ACSM3: variants seen among roughly 807,000 people sequenced by gnomAD.
ACSM3 encodes the protein acyl-CoA synthetase medium chain family member 3, also known as acyl-coenzyme A synthetase ACSM3, mitochondrial.
Under a neutral mutation model 74.1 loss-of-function variants are expected in ACSM3, and 61 were observed. That is an observed-to-expected ratio of 0.82 (90% CI 0.67 to 1.02). ACSM3 has a LOEUF of 1.02. Among genes scored for constraint, ACSM3 ranks in the 50% least tolerant of loss-of-function variants. The pLI is 0.00. For missense variants in ACSM3, 660 were observed against 697.0 expected, an observed-to-expected ratio of 0.95 and a Z score of 0.60; for synonymous variants, 213 against 241.5, an observed-to-expected ratio of 0.88 and a Z score of 1.09.
intron 1 of ACSM3, among the ~76,000 whole-genome samples, chr16:20,746,195 A>G (rs528938538): frequency 6.6e-6 from 1 of 152,308 alleles, no homozygotes; most frequent in East Asian, 1.9e-4. Flanking sequence ...AAGATCAGTC[A>G]TGACAAGTGC....
At chr16:20,776,200 T>C in intron 3 of ACSM3, 151 bp downstream of exon 3, 1 of 795,382 alleles carries the variant, frequency 1.3e-6, no homozygotes, top group East Asian at 2.7e-5. Context: ...CGTGGTAGGC[T>C]AATTCCTTAT....
upstream of ACSM3, among the ~76,000 whole-genome samples, chr16:20,763,323 A>C (rs2080092615): frequency 6.6e-6 from 1 of 152,250 alleles, no homozygotes; most frequent in Non-Finnish European, 1.5e-5. Flanking sequence ...GTTATTTAAT[A>C]AGACACCTCA....
At chr16:20,743,083 C>T (rs1016949321) in intron 1 of ACSM3, among the ~76,000 whole-genome samples, 2 of 151,656 alleles carry the variant, frequency 1.3e-5, no homozygotes, top group South Asian at 2.1e-4. Flanking sequence ...GGACTACAGG[C>T]GCCCGCCACC....
chr16:20,678,525 T>C (rs945195048), intron 1 of ACSM3, among the ~76,000 whole-genome samples: 15 of 152,200 alleles, frequency 9.9e-5, no homozygotes, highest in African/African-American at 3.6e-4. Context: ...TATCAGTACA[T>C]GTTGGTGTTC....
At chr16:20,752,913 TAACTATTAGTTTATAGA>T (rs1265752611) in intron 2 of ACSM3, among the ~76,000 whole-genome samples, 1 of 152,226 alleles carries the variant, frequency 6.6e-6, no homozygotes, top group Non-Finnish European at 1.5e-5. Flanking sequence ...CCTCTAGATT[TAACTATTAGTTTATAGA>T]AACTACACGG....
At chr16:20,706,619 C>T (rs918926548) in intron 1 of ACSM3, among the ~76,000 whole-genome samples, 10 of 152,144 alleles carry the variant, frequency 6.6e-5, no homozygotes, top group African/African-American at 2.4e-4. Context: ...GGTCCTAACC[C>T]CAGATTTGGA....
Position 20,790,385 on chromosome 16 carries a change from C to T in ACSM3, c.1225-202C>T, listed in dbSNP as rs1215734103. ...GGACTGTTTGAGACCAGAAGTTTGA[C>T]GCTGCAGTGAGCTATGAGCTATGAT... is the stretch of plus-strand genomic sequence containing the variant. On this transcript the variant is annotated intron_variant, in intron 9 of 13. Transcript: ENST00000289416. The surrounding 1 kb of genome is among the most constrained non-coding windows in gnomAD (Gnocchi z 4.0). Among the ~76,000 whole-genome samples, 4 of 152,138 alleles carry T rather than the reference C, an allele frequency of 2.6e-5. No homozygotes were observed. Among genetic ancestry groups the T allele is most frequent in the Admixed American group, 1.3e-4 (2 of 15,284 alleles).
chr16:20,728,566 G>A, intron 1 of ACSM3: 2 of 501,212 alleles, frequency 4.0e-6, no homozygotes, highest in South Asian at 2.5e-5. Context: ...GTCTTGCTAT[G>A]TAACCTCAGG....
At chr16:20,679,599 A>G (rs1310778657) in intron 1 of ACSM3, 2 of 152,164 alleles carry the variant, frequency 1.3e-5, no homozygotes, top group East Asian at 3.9e-4. Context: ...TAATGTTGTT[A>G]CCATTTCTGC....
At chr16:20,729,325 C>T (rs745784617) in intron 1 of ACSM3, 37 of 1,458,728 alleles carry the variant, frequency 2.5e-5, no homozygotes, top group African/African-American at 7.0e-5. Flanking sequence ...TCTGGTTTGT[C>T]GGCAGAGCTG....
chr16:20,700,848 C>A (rs1167572457), intron 1 of ACSM3, among the ~76,000 whole-genome samples: 1 of 152,122 alleles, frequency 6.6e-6, no homozygotes, highest in African/African-American at 2.4e-5. Flanking sequence ...AAAGCCCACT[C>A]TGGCAGTTCT....
rs759381084 is a variant in ACSM3 at position 20,796,867 on chromosome 16, T to C, written c.1675-19T>C. The C allele has an allele frequency of 1.9e-6, 3 of 1,608,602 alleles. No homozygotes were observed. Among genetic ancestry groups the C allele is most frequent in the Non-Finnish European group, 2.5e-6 (3 of 1,178,610 alleles). ...GATAAAAATTTCCAGGCTAATTTTC[T>C]TCCCCTTGATGCCAACAGGTAGAAT... On this transcript the variant is annotated intron_variant, in intron 13 of 13. Coordinates refer to ENST00000289416, the MANE Select transcript of ACSM3 (RefSeq NM_005622.4).
intron 2 of ACSM3, 55 bp from the exon 3 acceptor site, chr16:20,775,784 C>T: frequency 6.4e-7 from 1 of 1,572,420 alleles, no homozygotes; most frequent in South Asian, 1.1e-5. Context: ...TCAGTTGGCC[C>T]AGAATTTAGC....
chr16:20,786,776 G>A (rs1337376002), intron 9 of ACSM3, among the ~76,000 whole-genome samples: 3 of 152,182 alleles, frequency 2.0e-5, no homozygotes, highest in African/African-American at 4.8e-5. Context: ...GGCACAAAGA[G>A]GTAAAAGAAC....
At chr16:20,726,618 C>G (rs560513113) in intron 1 of ACSM3, among the ~76,000 whole-genome samples, 5 of 152,344 alleles carry the variant, frequency 3.3e-5, no homozygotes, top group Non-Finnish European at 7.4e-5. Context: ...CTGTTCTAGG[C>G]TTTCTCACCT....
At chr16:20,796,129 T>TC in intron 12 of ACSM3, 1 of 487,456 alleles carries the variant, frequency 2.1e-6, no homozygotes, top group Non-Finnish European at 3.5e-6. Flanking sequence ...TTATAAGTAA[T>TC]CCCCCATGCT....
rs150917023 is a variant in ACSM3, at chr16:20,748,705, C to T, written c.-189-1205C>T. On this transcript the variant is annotated intron_variant, in intron 1 of 3. Transcript: ENST00000561584. ...TGCTTTGATGTGTTTCCAGCCACTT[C>T]TTGCTGGTTCTCAGTACCCCAGAGA... is the stretch of plus-strand genomic sequence containing the variant. Among the ~76,000 whole-genome samples the T allele has an allele frequency of 2.6e-5, 4 of 152,272 alleles. 1 individual carries two copies. Among genetic ancestry groups the T allele is most frequent in the African/African-American group, 9.6e-5 (4 of 41,566 alleles).
intron 12 of ACSM3, among the ~76,000 whole-genome samples, chr16:20,794,516 C>T (rs1197636361): frequency 6.6e-6 from 1 of 152,128 alleles, no homozygotes; most frequent in Non-Finnish European, 1.5e-5. Context: ...TTGAAATAGA[C>T]ACACGTGGCT....
chr16:20,742,523 G>A (rs2079936099), intron 1 of ACSM3, among the ~76,000 whole-genome samples: 1 of 151,912 alleles, frequency 6.6e-6, no homozygotes, highest in African/African-American at 2.4e-5. Context: ...CGCACCTGTA[G>A]TCCCAACTAC....
Sources: gnomAD v4.1 joint callset for allele counts (sites outside exome capture counted in the v4.1 genomes callset) on GRCh38, gnomAD v4.1.1 for gene constraint, Gnocchi (gnomAD v3.1) non-coding constraint, MANE v1.5 for transcripts, NCBI Gene and HGNC (gene_info 2026-07-23, HGNC 2026-07-21) for gene names.